DTX1: variants seen among roughly 807,000 people sequenced by gnomAD.
The protein encoded by DTX1 is deltex E3 ubiquitin ligase 1, also known as E3 ubiquitin-protein ligase DTX1.
In DTX1, 26 loss-of-function variants were observed where a neutral mutation model predicts 57.8. The observed-to-expected ratio is 0.45, with a 90% CI of 0.33 to 0.62. The LOEUF (loss-of-function observed/expected upper bound fraction) is 0.62. Among genes scored for constraint, DTX1 ranks in the 20% least tolerant of loss-of-function variants. DTX1 has a pLI of 0.02. For missense variants in DTX1, 704 were observed against 895.3 expected, an observed-to-expected ratio of 0.79 and a Z score of 2.73; for synonymous variants, 398 against 394.1, an observed-to-expected ratio of 1.01 and a Z score of -0.12.
chr12:113,066,571 C>T (rs1245084162), intron 2 of DTX1, among the ~76,000 whole-genome samples: 2 of 151,780 alleles, frequency 1.3e-5, no homozygotes, highest in African/African-American at 4.8e-5. Flanking sequence ...GATTTGTGAC[C>T]TTAAGTAAAC....
chr12:113,059,708 C>G (rs2044653415), intron 2 of DTX1, among the ~76,000 whole-genome samples: 2 of 152,096 alleles, frequency 1.3e-5, no homozygotes, highest in South Asian at 4.2e-4. Context: ...CCTATGAATC[C>G]CTGGATGACA....
Position 113,077,886 on chromosome 12 carries a change from C to T in DTX1, c.722C>T (p.Pro241Leu), listed in dbSNP as rs1443720426. Residue 241 changes from proline to leucine, a missense_variant, in exon 3 of 10, where the codon CCT becomes CTT. Pro to Leu is a moderately conservative substitution (Grantham distance 98). This residue lies in a region of DTX1 where 299 missense variants were observed against 311.2 expected (regional missense o/e 0.96). Coordinates refer to ENST00000548759, the MANE Select transcript of DTX1 (RefSeq NM_004416.3). The surrounding 1 kb of genome is among the most constrained non-coding windows in gnomAD (Gnocchi z 7.8). Reference protein sequence around the residue: ...PLPPPPPPGGPPGALAVRPSA... With the variant: ...PLPPPPPPGGLPGALAVRPSA... ...CCGCCGCCGCCGCCACCTGGAGGGC[C>T]TCCAGGCGCGCTTGCCGTGCGCCCC... 6.3e-6 allele frequency: 8 copies of T among 1,279,882 alleles called. No homozygotes were observed. In the South Asian group the frequency reaches 1.3e-4, roughly 21 times the overall value. The allele number at this position is 1,279,882 out of a possible 1,614,324, so 79.3% of individuals were successfully genotyped here.
intron 3 of DTX1, chr12:113,089,875 CTCTG>C (rs1411443235): frequency 6.6e-6 from 1 of 152,206 alleles, no homozygotes; most frequent in Non-Finnish European, 1.5e-5. Flanking sequence ...CTGGAGTACC[CTCTG>C]TCTAACTCCT....
chr12:113,094,863 G>T lies in DTX1; in HGVS notation c.1302G>T (p.Arg434=). ...GCGTGCTTCGGCACAAGGGCGTGCG[G>T]CCTGAGCTCGTGGGCCGCCTGGGCC... ...YEGVLRHKGV[R]PELVGRLGRC... Residue 434 remains arginine (R), a synonymous_variant, in exon 7 of 10, where the codon CGG becomes CGT. Coordinates refer to ENST00000548759, the MANE Select transcript of DTX1 (RefSeq NM_004416.3). 6.2e-7 allele frequency: 1 copy of T among 1,613,780 alleles called. No homozygotes were observed. Among genetic ancestry groups the T allele is most frequent in the Non-Finnish European group, 8.5e-7 (1 of 1,180,014 alleles).
chr12:113,068,165 T>C (rs546101575), intron 2 of DTX1, among the ~76,000 whole-genome samples: 56 of 152,322 alleles, frequency 3.7e-4, no homozygotes, highest in Middle Eastern at 3.4e-3. Context: ...TTCAGTTAGG[T>C]TCATTCAGAT....
At chr12:113,083,727 G>T (rs1472518595) in intron 3 of DTX1, among the ~76,000 whole-genome samples, 2 of 152,120 alleles carry the variant, frequency 1.3e-5, no homozygotes, top group African/African-American at 4.8e-5. Flanking sequence ...TCTCTTTGTA[G>T]CTCTGTGTCT....
chr12:113,096,707 C>T lies in DTX1; in HGVS notation c.1639-8C>T. ...CCTCCCGGCCCCACTGTGTCCCTGT[C>T]CCCCCAGGTGCTGCGGCTGCTCATC... On this transcript the variant is annotated splice_polypyrimidine_tract_variant and splice_region_variant and intron_variant, in intron 9 of 9. Coordinates refer to ENST00000548759, the MANE Select transcript of DTX1 (RefSeq NM_004416.3). The T allele has an allele frequency of 6.2e-7, 1 of 1,606,968 alleles. No individual in the cohort carries two copies. The highest frequency in any genetic ancestry group is 2.2e-5 in the East Asian group (1 of 44,534).
intron 2 of DTX1, among the ~76,000 whole-genome samples, chr12:113,075,623 A>G (rs925139100): frequency 2.0e-5 from 3 of 152,238 alleles, no homozygotes; most frequent in African/African-American, 7.2e-5. Flanking sequence ...GGGAGCACGC[A>G]GAGCTTTGGC....
chr12:113,062,731 C>G (rs1231860995), intron 2 of DTX1, among the ~76,000 whole-genome samples: 1 of 152,244 alleles, frequency 6.6e-6, no homozygotes, highest in Admixed American at 6.5e-5. Flanking sequence ...ATGTGCCTCC[C>G]GTGCAGTGCA....
intron 2 of DTX1, among the ~76,000 whole-genome samples, chr12:113,062,241 G>A (rs565192109): frequency 6.6e-6 from 1 of 152,132 alleles, no homozygotes; most frequent in African/African-American, 2.4e-5. Flanking sequence ...GGAGCTGGCT[G>A]ATTTTTTTCT....
intron 9 of DTX1, among the ~76,000 whole-genome samples, chr12:113,095,858 G>A (rs1424504659): frequency 1.3e-5 from 2 of 152,210 alleles, no homozygotes; most frequent in Non-Finnish European, 2.9e-5. Flanking sequence ...TTAATATAGT[G>A]TGGAGTCCAA....
At chr12:113,074,700 AGTCTACTGCAATG>A (rs1307419955) in intron 2 of DTX1, among the ~76,000 whole-genome samples, 9 of 152,208 alleles carry the variant, frequency 5.9e-5, no homozygotes, top group African/African-American at 2.2e-4. Context: ...GCCAGTCATG[AGTCTACTGCAATG>A]GTCCAGGCAG....
intron 3 of DTX1, among the ~76,000 whole-genome samples, chr12:113,086,917 C>A (rs922055504): frequency 3.3e-5 from 5 of 151,168 alleles, no homozygotes; most frequent in South Asian, 2.1e-4. Flanking sequence ...ACACTCCCCC[C>A]ACCCTGCCCC....
Position 113,095,149 on chromosome 12 carries a change from C to T in DTX1, c.1494C>T (p.Gly498=), listed in dbSNP as rs748780572. 6.2e-7 allele frequency: 1 copy of T among 1,613,456 alleles called. No homozygotes were observed. The highest frequency in any genetic ancestry group is 1.3e-5 in the African/African-American group (1 of 74,922). The change falls in exon 8 of 10, where the codon GGC becomes GGT. Residue 498 remains glycine, a synonymous_variant. Transcript: ENST00000548759. ...EFHLIPHSLP[G]FPDTQTIRIV... ...ACCTCATCCCCCACTCGCTGCCCGG[C>T]TTCCCTGATACCCAGACCATCCGCA...
At chr12:113,066,527 C>CAAA (rs76083573) in intron 2 of DTX1, among the ~76,000 whole-genome samples, 8 of 120,516 alleles carry the variant, frequency 6.6e-5, no homozygotes, top group Admixed American at 1.7e-4. Context: ...GACTCCGTCT[C>CAAA]AAAAAAAAAA....
chr12:113,085,394 A>G (rs1188763861), intron 3 of DTX1, among the ~76,000 whole-genome samples: 2 of 152,104 alleles, frequency 1.3e-5, no homozygotes, highest in African/African-American at 2.4e-5. Context: ...TCCCATCTCT[A>G]TCAGATTTGT....
chr12:113,061,340 G>A (rs989933479), intron 2 of DTX1, among the ~76,000 whole-genome samples: 1 of 152,238 alleles, frequency 6.6e-6, no homozygotes, highest in East Asian at 1.9e-4. Context: ...CTGGGAACCT[G>A]CTGGAGAGTG....
Position 113,063,747 on chromosome 12 carries a change from C to T in DTX1, c.259+5296C>T, listed in dbSNP as rs1224564883. 5.9e-5 allele frequency among the ~76,000 whole-genome samples: 9 copies of T among 152,352 alleles called. No homozygotes were observed. In the East Asian group the frequency reaches 1.7e-3, roughly 29 times the overall value. Reference sequence around the variant, plus strand: ...CCTTCCCTGGAAACCTTGGGCTTCACTCAGCCCTGGTCCCTGCCATGAGAG... The same window carrying T: ...CCTTCCCTGGAAACCTTGGGCTTCATTCAGCCCTGGTCCCTGCCATGAGAG... On this transcript the variant is annotated intron_variant, in intron 2 of 9. Coordinates refer to ENST00000548759, the MANE Select transcript of DTX1 (RefSeq NM_004416.3).
At chr12:113,067,434 T>C (rs1358520632) in intron 2 of DTX1, among the ~76,000 whole-genome samples, 1 of 152,198 alleles carries the variant, frequency 6.6e-6, no homozygotes. Flanking sequence ...TGCCAGGTGA[T>C]CTTGCCCAAG....
Sources: allele counts gnomAD v4.1 joint callset (sites outside exome capture counted in the v4.1 genomes callset), GRCh38; gene constraint gnomAD v4.1.1; regional missense constraint gnomAD v4.1.1; non-coding constraint Gnocchi (gnomAD v3.1); transcripts MANE v1.5; gene names NCBI Gene and HGNC (gene_info 2026-07-23, HGNC 2026-07-21).